The following NKAIN3 variants were observed in gnomAD, a reference collection of about 807,000 sequenced individuals.
NKAIN3 encodes the protein sodium/potassium transporting ATPase interacting 3.
In NKAIN3, 25 loss-of-function variants were observed where a neutral mutation model predicts 30.2. That is an observed-to-expected ratio of 0.83 (90% CI 0.60 to 1.16). The LOEUF is 1.16. NKAIN3 is among the 50% of genes most tolerant of loss of function. NKAIN3 has a pLI of 0.00. For synonymous variants in NKAIN3, 91 were observed against 89.6 expected (o/e 1.02, Z -0.09); for missense variants, 225 against 254.1 (o/e 0.89, Z 0.78).
chr8:62,868,303 T>C, intron 4 of NKAIN3, among the ~76,000 whole-genome samples: 1 of 152,116 alleles, frequency 6.6e-6, no homozygotes, highest in East Asian at 1.9e-4. Context: ...GTATTTCTTT[T>C]TCTTTTCATG....
intron 3 of NKAIN3, among the ~76,000 whole-genome samples, chr8:62,690,051 T>C (rs1813916330): frequency 6.6e-6 from 1 of 152,014 alleles, no homozygotes; most frequent in Non-Finnish European, 1.5e-5. Context: ...CCTTACTGAG[T>C]GTCTTTAAGT....
At chr8:62,662,772 C>T (rs1422954118) in intron 3 of NKAIN3, among the ~76,000 whole-genome samples, 3 of 152,082 alleles carry the variant, frequency 2.0e-5, no homozygotes, top group Admixed American at 6.5e-5. Context: ...CAACTATGTA[C>T]AAAATACTTT....
At chr8:62,496,856 C>G (rs1807256912) in intron 1 of NKAIN3, among the ~76,000 whole-genome samples, 2 of 152,066 alleles carry the variant, frequency 1.3e-5, no homozygotes, top group African/African-American at 4.8e-5. Flanking sequence ...AGTTTCTTAG[C>G]AGGAATTTTT....
chr8:62,486,828 T>C (rs1182962291), intron 1 of NKAIN3, among the ~76,000 whole-genome samples: 1 of 152,206 alleles, frequency 6.6e-6, no homozygotes, highest in Non-Finnish European at 1.5e-5. Flanking sequence ...GAGGAAAGAC[T>C]GCAAAGTGGA....
Position 62,513,508 on chromosome 8 carries a change from T to A in NKAIN3, c.55-66031T>A, listed in dbSNP as rs971219514. ...CCAGGAAGTGATTCTTAAGCTGCAA[T>A]CAGATAGATGAGTAGGCGTTAGTGT... On this transcript the variant is annotated intron_variant, in intron 1 of 6. Transcript: ENST00000623646. 2.0e-5 allele frequency among the ~76,000 whole-genome samples: 3 copies of A among 151,974 alleles called. No homozygotes were observed. In the East Asian group the frequency reaches 5.8e-4, roughly 29 times the overall value.
chr8:62,488,175 T>C (rs1671476119), intron 1 of NKAIN3, among the ~76,000 whole-genome samples: 1 of 152,192 alleles, frequency 6.6e-6, no homozygotes, highest in African/African-American at 2.4e-5. Context: ...AAGTCTTAAC[T>C]CAACCTCTTC....
At chr8:62,294,797 A>T (rs1386450156) in intron 1 of NKAIN3, among the ~76,000 whole-genome samples, 4 of 152,080 alleles carry the variant, frequency 2.6e-5, no homozygotes, top group Non-Finnish European at 5.9e-5. Context: ...CTCCCACCTC[A>T]GCCTCCCAAA....
At chr8:62,369,355 T>A (rs1033548917) in intron 1 of NKAIN3, among the ~76,000 whole-genome samples, 1 of 152,106 alleles carries the variant, frequency 6.6e-6, no homozygotes, top group African/African-American at 2.4e-5. Flanking sequence ...GCATAACAGG[T>A]TTAATATTTG....
chr8:62,805,655 G>A (rs971076748), intron 4 of NKAIN3, among the ~76,000 whole-genome samples: 2 of 152,122 alleles, frequency 1.3e-5, no homozygotes, highest in Non-Finnish European at 2.9e-5. Context: ...ATTAATTCAC[G>A]ATGGATTAAA....
chr8:62,593,031 A>T lies in NKAIN3; in HGVS notation c.273+3237A>T, dbSNP rs371910103. ...TTTAATACTCCTTTCTTGCTTATTTAGAGAAAAAGTAGACACAATTCAGTA... is the reference window on the plus strand; with the variant it reads ...TTTAATACTCCTTTCTTGCTTATTTTGAGAAAAAGTAGACACAATTCAGTA... On this transcript the variant is annotated intron_variant, in intron 3 of 6. Coordinates refer to ENST00000623646, the MANE Select transcript of NKAIN3 (RefSeq NM_001304533.3). 3.7e-4 allele frequency among the ~76,000 whole-genome samples: 56 copies of T among 152,134 alleles called. No individual in the cohort carries two copies. In the South Asian group the frequency reaches 9.9e-3, roughly 27 times the overall value.
chr8:62,441,530 ATAT>A lies in NKAIN3; in HGVS notation c.55-138005_55-138003del, dbSNP rs1228058397. Among the ~76,000 whole-genome samples, 8 of 151,990 alleles carry A rather than the reference ATAT, an allele frequency of 5.3e-5. No homozygotes were observed. The South Asian group carries it at 1.5e-3, about 28-fold the overall frequency. On this transcript the variant is annotated intron_variant, in intron 1 of 6. Coordinates refer to ENST00000623646, the MANE Select transcript of NKAIN3 (RefSeq NM_001304533.3). ...TAAATATTTTATCTTGTGAGTTTTA[ATAT>A]TATCTTATTTTTAATTTTATTTTTT...
intron 5 of NKAIN3, among the ~76,000 whole-genome samples, chr8:62,992,876 A>G (rs969911110): frequency 6.6e-6 from 1 of 152,172 alleles, no homozygotes. Context: ...GCCTTCGTGC[A>G]TAAGAGCAAT....
At chr8:62,946,228 G>A (rs952380655) in intron 5 of NKAIN3, among the ~76,000 whole-genome samples, 5 of 152,210 alleles carry the variant, frequency 3.3e-5, no homozygotes, top group South Asian at 4.2e-4. Flanking sequence ...TTTCAGGAAG[G>A]GGGTAGCACA....
chr8:62,724,963 C>T (rs1235510065), intron 3 of NKAIN3, among the ~76,000 whole-genome samples: 1 of 151,746 alleles, frequency 6.6e-6, no homozygotes, highest in Non-Finnish European at 1.5e-5. Context: ...CTGAACTGTT[C>T]TCCACAGTGG....
rs550230840 is a variant in NKAIN3, at chr8:62,568,693, C to T, written c.55-10846C>T. On this transcript the variant is annotated intron_variant, in intron 1 of 6. Coordinates refer to ENST00000623646, the MANE Select transcript of NKAIN3 (RefSeq NM_001304533.3). ...ATCTCTTAAAATAAAATAGACTTGCCGCACAACATGTAGCTGTTTTCTGAG... is the reference window on the plus strand; with the variant it reads ...ATCTCTTAAAATAAAATAGACTTGCTGCACAACATGTAGCTGTTTTCTGAG... Among the ~76,000 whole-genome samples the T allele has an allele frequency of 7.2e-5, 11 of 152,204 alleles. No homozygotes were observed. In the South Asian group the frequency reaches 8.3e-4, roughly 11 times the overall value.
intron 4 of NKAIN3, among the ~76,000 whole-genome samples, chr8:62,751,646 T>C (rs1330690438): frequency 1.3e-5 from 2 of 152,190 alleles, no homozygotes; most frequent in African/African-American, 2.4e-5. Flanking sequence ...ATTAAATATA[T>C]TGATGGACAT....
chr8:62,640,147 C>T (rs1812261111), intron 3 of NKAIN3, among the ~76,000 whole-genome samples: 1 of 152,136 alleles, frequency 6.6e-6, no homozygotes, highest in African/African-American at 2.4e-5. Flanking sequence ...CCAGGGCATA[C>T]TTCCGTGACC....
chr8:62,796,514 G>A (rs924713735), intron 4 of NKAIN3, among the ~76,000 whole-genome samples: 18 of 150,692 alleles, frequency 1.2e-4, no homozygotes, highest in Admixed American at 8.6e-4. Context: ...CATGATGCTC[G>A]ACATTCATCT....
intron 3 of NKAIN3, among the ~76,000 whole-genome samples, chr8:62,637,314 A>G (rs1812162204): frequency 6.6e-6 from 1 of 152,194 alleles, no homozygotes; most frequent in African/African-American, 2.4e-5. Flanking sequence ...GCACCTGGGC[A>G]GTAGGATGCC....
Sources: gnomAD v4.1 joint callset for allele counts (sites outside exome capture counted in the v4.1 genomes callset) on GRCh38, gnomAD v4.1.1 for gene constraint, MANE v1.5 for transcripts, NCBI Gene and HGNC (gene_info 2026-07-23, HGNC 2026-07-21) for gene names.